The following CCKBR variants were observed in gnomAD, a reference collection of about 807,000 sequenced individuals.
CCKBR encodes the protein gastrin/cholecystokinin type B receptor.
CCKBR carries 33 observed loss-of-function variants against 34.6 expected under a neutral mutation model. That is an observed-to-expected ratio of 0.95 (90% CI 0.72 to 1.27). The LOEUF (loss-of-function observed/expected upper bound fraction) is 1.27. Ranked by LOEUF, CCKBR falls within the 50% of genes most tolerant of loss-of-function variation. The pLI is 0.00. For synonymous variants in CCKBR, 269 were observed against 267.5 expected, an observed-to-expected ratio of 1.01 and a Z score of -0.06; for missense variants, 652 against 617.4, an observed-to-expected ratio of 1.06 and a Z score of -0.59.
intron 1 of CCKBR, among the ~76,000 whole-genome samples, chr11:6,261,238 A>C (rs2941025): frequency 1.3e-5 from 2 of 151,190 alleles, no homozygotes; most frequent in African/African-American, 2.4e-5. Flanking sequence ...ACAGAGCTCA[A>C]AGTTTAATGG....
intron 1 of CCKBR, among the ~76,000 whole-genome samples, chr11:6,263,350 A>T (rs955211166): frequency 1.3e-5 from 2 of 152,188 alleles, no homozygotes; most frequent in African/African-American, 4.8e-5. Context: ...AGCTTTTCCC[A>T]GATACTACCC....
At chr11:6,263,001 A>G (rs1848159852) in intron 1 of CCKBR, among the ~76,000 whole-genome samples, 1 of 152,228 alleles carries the variant, frequency 6.6e-6, no homozygotes, top group Non-Finnish European at 1.5e-5. Flanking sequence ...TGCTCCTCAC[A>G]CATTTGGATG....
rs376112884 is a variant in CCKBR, at chr11:6,270,840, C to A, written c.811+37C>A. On this transcript the variant is annotated intron_variant, in intron 4 of 4. Transcript: ENST00000334619. ...CCACGTGAGCAAAATCTGGGCGAGG[C>A]GGAGCTTTGGAGGGCGACGGGGCCT... 10 of 1,613,410 alleles carry A rather than the reference C, an allele frequency of 6.2e-6. No homozygotes were observed. The African/African-American group carries it at 1.3e-4, about 22-fold the overall frequency.
intron 1 of CCKBR, among the ~76,000 whole-genome samples, chr11:6,262,770 G>C (rs1490999783): frequency 6.6e-6 from 1 of 151,654 alleles, no homozygotes; most frequent in Non-Finnish European, 1.5e-5. Flanking sequence ...ATTGAGGAAG[G>C]GGGGAGTGGG....
intron 1 of CCKBR, among the ~76,000 whole-genome samples, chr11:6,261,628 T>C (rs1350607806): frequency 6.6e-6 from 1 of 151,922 alleles, no homozygotes; most frequent in African/African-American, 2.4e-5. Context: ...GACATAGTTT[T>C]GAGTGACTAG....
intron 1 of CCKBR, among the ~76,000 whole-genome samples, chr11:6,261,991 AG>A (rs1848140432): frequency 6.6e-6 from 1 of 152,248 alleles, no homozygotes; most frequent in South Asian, 2.1e-4. Context: ...AGGATGGAAG[AG>A]GTCAAGGGAT....
intron 3 of CCKBR, 149 bp downstream of exon 3, chr11:6,270,486 G>C (rs1160863160): frequency 1.6e-5 from 22 of 1,395,000 alleles, no homozygotes. Flanking sequence ...CCAGTTTGGG[G>C]CCCCTCCCCA....
chr11:6,264,646 A>G, intron 1 of CCKBR: 1 of 662,506 alleles, frequency 1.5e-6, no homozygotes, highest in Non-Finnish European at 2.7e-6. Context: ...GCTATCTCCC[A>G]TCCTTCTACC....
intron 1 of CCKBR, among the ~76,000 whole-genome samples, chr11:6,266,457 C>T (rs568613840): frequency 4.6e-4 from 70 of 152,240 alleles, no homozygotes; most frequent in African/African-American, 1.5e-3. Context: ...CCATTGCACT[C>T]CAGCCTGGGC....
At chr11:6,264,737 A>ACACACACG (rs1848186677) in intron 1 of CCKBR, 14 of 508,782 alleles carry the variant, frequency 2.8e-5, no homozygotes, top group African/African-American at 7.8e-5. Flanking sequence ...ACACACACAC[A>ACACACACG]CACACACGCA....
rs1188045758 is a variant in CCKBR at position 6,269,815 on chromosome 11, G to A, written c.298G>A (p.Asp100Asn). 3 of 1,613,982 alleles carry A rather than the reference G, an allele frequency of 1.9e-6. No individual in the cohort carries two copies. Among genetic ancestry groups the A allele is most frequent in the African/African-American group, 1.3e-5 (1 of 74,892 alleles). Residue 100 changes from aspartate (D) to asparagine (N), a missense_variant, in exon 2 of 5, where the codon GAC becomes AAC. Physicochemically the swap from Asp to Asn is conservative, Grantham distance 23 (BLOSUM62 1). Transcript: ENST00000334619. ...CTTCCTCCTCTCACTGGCAGTCAGC[G>A]ACCTCCTGCTGGCTGTGGCTTGCAT... is the stretch of plus-strand genomic sequence containing the variant. Reference protein sequence around the residue: ...NAFLLSLAVSDLLLAVACMPF... With the variant: ...NAFLLSLAVSNLLLAVACMPF...
chr11:6,270,543 C>A, intron 3 of CCKBR, 103 bp from the exon 4 acceptor site: 1 of 1,426,068 alleles, frequency 7.0e-7, no homozygotes, highest in Non-Finnish European at 9.5e-7. Flanking sequence ...ACTCCTACTT[C>A]AGGTACCTGG....
intron 1 of CCKBR, among the ~76,000 whole-genome samples, chr11:6,269,256 TC>T (rs1309943689): frequency 6.7e-6 from 1 of 149,162 alleles, no homozygotes; most frequent in Non-Finnish European, 1.5e-5. Context: ...TCTAGCGGGG[TC>T]AAATAGAGTA....
chr11:6,260,190 C>A, intron 1 of CCKBR, 111 bp downstream of exon 1: 1 of 740,480 alleles, frequency 1.4e-6, no homozygotes, highest in Non-Finnish European at 2.1e-6. Flanking sequence ...CCACACCGTG[C>A]CTCTCATAGT....
intron 1 of CCKBR, among the ~76,000 whole-genome samples, chr11:6,264,130 A>G (rs970830251): frequency 2.0e-5 from 3 of 152,194 alleles, no homozygotes; most frequent in Admixed American, 6.5e-5. Flanking sequence ...TCACCTACCC[A>G]TATACTATTT....
chr11:6,262,870 G>A lies in CCKBR; in HGVS notation c.151+2791G>A, dbSNP rs574340253. 7.2e-5 allele frequency among the ~76,000 whole-genome samples: 11 copies of A among 152,320 alleles called. No individual in the cohort carries two copies. The East Asian group carries it at 1.2e-3, about 16-fold the overall frequency. On this transcript the variant is annotated intron_variant, in intron 1 of 4. Coordinates refer to ENST00000334619, the MANE Select transcript of CCKBR (RefSeq NM_176875.4). ...TAAAATGTTTGTTGGTGATTGGGCC[G>A]AGAGAGGAAGATTGAAGGTGCAGAT...
chr11:6,262,136 G>A (rs1848143501), intron 1 of CCKBR, among the ~76,000 whole-genome samples: 1 of 152,238 alleles, frequency 6.6e-6, no homozygotes. Flanking sequence ...AACCCATTGA[G>A]TTTAAATGTT....
At chr11:6,263,577 C>T (rs906807324) in intron 1 of CCKBR, among the ~76,000 whole-genome samples, 3 of 150,832 alleles carry the variant, frequency 2.0e-5, no homozygotes, top group Admixed American at 2.0e-4. Flanking sequence ...CTCAAGTGAT[C>T]CTCCCACCTC....
chr11:6,260,560 T>A (rs1038659128), intron 1 of CCKBR, among the ~76,000 whole-genome samples: 3 of 152,158 alleles, frequency 2.0e-5, no homozygotes, highest in Non-Finnish European at 4.4e-5. Flanking sequence ...GAAGTTGTGA[T>A]CACATCTGAC....
Sources: gnomAD v4.1 joint callset for allele counts (sites outside exome capture counted in the v4.1 genomes callset) on GRCh38, gnomAD v4.1.1 for gene constraint, MANE v1.5 for transcripts, NCBI Gene and HGNC (gene_info 2026-07-23, HGNC 2026-07-21) for gene names.